Variants in CFAP46 observed in about 807,000 individuals in gnomAD.
CFAP46 encodes the protein cilia and flagella associated protein 46.
Under a neutral mutation model 325.7 loss-of-function variants are expected in CFAP46, and 245 were observed. The ratio of observed to expected loss-of-function variants is 0.75; its 90% confidence interval spans 0.68 to 0.84. The LOEUF is 0.84. CFAP46 is among the 40% of genes least tolerant of loss of function. The pLI is 0.00. For synonymous variants in CFAP46, 1,523 were observed against 1,495.9 expected (o/e 1.02, Z -0.42); for missense variants, 3,346 against 3,543.0 (o/e 0.94, Z 1.41).
intron 17 of CFAP46, among the ~76,000 whole-genome samples, chr10:132,915,819 C>T (rs1345716698): frequency 6.6e-6 from 1 of 152,206 alleles, no homozygotes; most frequent in Non-Finnish European, 1.5e-5. Flanking sequence ...AGAAACAACG[C>T]ACGTCCAGCG....
At chr10:132,916,066 T>C (rs1167406023) in intron 17 of CFAP46, among the ~76,000 whole-genome samples, 1 of 152,236 alleles carries the variant, frequency 6.6e-6, no homozygotes, top group African/African-American at 2.4e-5. Flanking sequence ...ACAAACTAAA[T>C]TTTCTTATTG....
chr10:132,843,878 G>T (rs187238704), intron 44 of CFAP46, among the ~76,000 whole-genome samples: 1 of 106,302 alleles, frequency 9.4e-6, no homozygotes, highest in Admixed American at 9.0e-5. Context: ...CTCTGGTCTC[G>T]GTGGGTGTTC....
chr10:132,925,654 G>A (rs1324124739), intron 10 of CFAP46, among the ~76,000 whole-genome samples: 2 of 152,252 alleles, frequency 1.3e-5, no homozygotes, highest in African/African-American at 2.4e-5. Context: ...TGGCACCAGC[G>A]CACAGCAGCA....
intron 50 of CFAP46, 143 bp downstream of exon 50, chr10:132,833,215 C>T (rs1182310208): frequency 9.5e-6 from 8 of 845,534 alleles, no homozygotes; most frequent in Admixed American, 8.2e-5. Flanking sequence ...CTACAAATAT[C>T]TTTGAATGAA....
rs908046901 is a variant in CFAP46 at position 132,817,843 on chromosome 10, C to T, written c.7118-2929G>A. Reference sequence around the variant, plus strand: ...CTGACGGTTCTGGGAGTCGGAGGTCCGAATGGGGTCACTGGGTCACAGTGA... The same window carrying T: ...CTGACGGTTCTGGGAGTCGGAGGTCTGAATGGGGTCACTGGGTCACAGTGA... On this transcript the variant is annotated intron_variant, in intron 50 of 57. Coordinates refer to ENST00000368586, the MANE Select transcript of CFAP46 (RefSeq NM_001200049.3). The surrounding 1 kb of genome is among the most constrained non-coding windows in gnomAD (Gnocchi z 4.4). Among the ~76,000 whole-genome samples, 6 of 152,348 alleles carry T rather than the reference C, an allele frequency of 3.9e-5. No individual in the cohort carries two copies. The Middle Eastern group carries it at 0.01, about 259-fold the overall frequency.
intron 44 of CFAP46, among the ~76,000 whole-genome samples, chr10:132,843,916 G>A (rs1564774610): frequency 7.1e-6 from 1 of 141,464 alleles, no homozygotes; most frequent in Non-Finnish European, 1.5e-5. Flanking sequence ...TGCTCCTGGT[G>A]GGTGTTCCCA....
chr10:132,824,119 CTGA>C (rs1179050977), intron 50 of CFAP46, among the ~76,000 whole-genome samples: 3,535 of 110,878 alleles, frequency 0.032, 65 homozygotes, highest in Non-Finnish European at 0.049. Context: ...GCTGTGTGCG[CTGA>C]TGTGTGCTGT....
At chr10:132,929,876 A>G in intron 8 of CFAP46, 72 bp from the exon 9 acceptor site, 1 of 1,052,182 alleles carries the variant, frequency 9.5e-7, no homozygotes, top group East Asian at 2.4e-5. Context: ...GCGAGAATCC[A>G]TGTCCCCCGT....
intron 43 of CFAP46, among the ~76,000 whole-genome samples, chr10:132,846,520 G>A (rs1168354614): frequency 6.6e-6 from 1 of 151,866 alleles, no homozygotes; most frequent in Non-Finnish European, 1.5e-5. Context: ...GGTCCACACG[G>A]ACAGGGACCT....
chr10:132,902,086 C>T (rs140613475), intron 22 of CFAP46, among the ~76,000 whole-genome samples: 6 of 152,286 alleles, frequency 3.9e-5, no homozygotes, highest in East Asian at 1.9e-4. Context: ...GTTTTCTTTG[C>T]GTTTATCCCA....
chr10:132,833,791 C>G (rs961760547), intron 49 of CFAP46, among the ~76,000 whole-genome samples: 1 of 152,212 alleles, frequency 6.6e-6, no homozygotes, highest in Non-Finnish European at 1.5e-5. Flanking sequence ...GGTGGCTGTG[C>G]TGGGTTCCGT....
intron 17 of CFAP46, among the ~76,000 whole-genome samples, 162 bp from the exon 18 acceptor site, chr10:132,913,420 C>A (rs906571883): frequency 1.3e-5 from 2 of 152,188 alleles, no homozygotes. Flanking sequence ...GTCGCCCCGC[C>A]GCTGGCACTC....
intron 50 of CFAP46, among the ~76,000 whole-genome samples, chr10:132,826,166 G>A (rs71481960): frequency 7.3e-4 from 44 of 60,368 alleles, no homozygotes; most frequent in African/African-American, 1.6e-3. Context: ...GGCAGGAGCC[G>A]GAGCCACGGA....
intron 22 of CFAP46, among the ~76,000 whole-genome samples, chr10:132,908,013 GC>G (rs950554783): frequency 5.8e-4 from 89 of 152,326 alleles, no homozygotes; most frequent in African/African-American, 2.0e-3. Context: ...GAAGGCTGAG[GC>G]CCCCCCTTTC....
At chr10:132,834,149 T>G in intron 48 of CFAP46, 26 bp from the exon 49 acceptor site, 5 of 1,609,814 alleles carry the variant, frequency 3.1e-6, no homozygotes, top group Non-Finnish European at 4.2e-6. Flanking sequence ...TATATTCGGG[T>G]TTAAGAAACA....
At chr10:132,882,752 G>C (rs925011145) in intron 27 of CFAP46, among the ~76,000 whole-genome samples, 26 of 152,002 alleles carry the variant, frequency 1.7e-4, no homozygotes, top group Non-Finnish European at 3.2e-4. Context: ...GGAGGACGAG[G>C]AACCAGTGAG....
chr10:132,863,615 T>C (rs1223366693), intron 35 of CFAP46, among the ~76,000 whole-genome samples: 1 of 149,788 alleles, frequency 6.7e-6, no homozygotes, highest in African/African-American at 2.5e-5. Flanking sequence ...CTGTCCCTGC[T>C]ATCAGAGACG....
At chr10:132,826,072 C>T (rs1446510076) in intron 50 of CFAP46, among the ~76,000 whole-genome samples, 16 of 135,280 alleles carry the variant, frequency 1.2e-4, no homozygotes, top group East Asian at 4.5e-4. Context: ...AGACCAGCCA[C>T]GGAGCCAGGC....
At chr10:132,820,955 C>CTGTGTG in intron 50 of CFAP46, among the ~76,000 whole-genome samples, 1 of 46,444 alleles carries the variant, frequency 2.2e-5, no homozygotes, top group Admixed American at 4.1e-4. Context: ...GCTGTGTGTG[C>CTGTGTG]TGATGTGTGC....
Sources: allele counts gnomAD v4.1 joint callset (sites outside exome capture counted in the v4.1 genomes callset), GRCh38; gene constraint gnomAD v4.1.1; non-coding constraint Gnocchi (gnomAD v3.1); transcripts MANE v1.5; gene names NCBI Gene and HGNC (gene_info 2026-07-23, HGNC 2026-07-21).